POU2AF2: variants seen among roughly 807,000 people sequenced by gnomAD.
POU2AF2 encodes the protein POU class 2 homeobox associating factor 2.
the POU2AF2 span, among the ~76,000 whole-genome samples, chr11:111,272,847 C>A: frequency 6.6e-6 from 1 of 152,148 alleles, no homozygotes; most frequent in African/African-American, 2.4e-5. Context: ...TGAAGAAGAG[C>A]TGTGCTTTCC....
the POU2AF2 span, among the ~76,000 whole-genome samples, chr11:111,255,365 A>G: frequency 2.0e-5 from 3 of 152,234 alleles, no homozygotes; most frequent in Non-Finnish European, 4.4e-5. Flanking sequence ...TAAGTGCTCA[A>G]TAAATATTTG....
chr11:111,286,319 C>T, the POU2AF2 span: 13 of 346,448 alleles, frequency 3.8e-5, no homozygotes, highest in East Asian at 2.7e-4. Flanking sequence ...TAACCCATTA[C>T]GTTCTGAATC....
chr11:111,271,222 C>G, the POU2AF2 span, among the ~76,000 whole-genome samples: 1 of 151,900 alleles, frequency 6.6e-6, no homozygotes, highest in African/African-American at 2.4e-5. Context: ...ACTCGGGAGG[C>G]TAAGGCAGGA....
chr11:111,277,643 A>G, the POU2AF2 span, among the ~76,000 whole-genome samples: 4 of 152,218 alleles, frequency 2.6e-5, no homozygotes, highest in African/African-American at 9.6e-5. Context: ...CGGATTGGGC[A>G]TGTGTGCTGT....
chr11:111,265,876 A>T, the POU2AF2 span, among the ~76,000 whole-genome samples: 101 of 12,482 alleles, frequency 8.1e-3, no homozygotes, highest in African/African-American at 0.037. Flanking sequence ...GGAATAAATT[A>T]AAAAAAAAAA....
chr11:111,252,138 C>A, the POU2AF2 span, among the ~76,000 whole-genome samples: 1 of 152,162 alleles, frequency 6.6e-6, no homozygotes, highest in African/African-American at 2.4e-5. Flanking sequence ...TCCTCAATTC[C>A]CAGGCCCTCC....
At chr11:111,252,128 T>C in the POU2AF2 span, among the ~76,000 whole-genome samples, 1 of 152,206 alleles carries the variant, frequency 6.6e-6, no homozygotes, top group East Asian at 1.9e-4. Context: ...AGCCTGGACC[T>C]CCTCAATTCC....
the POU2AF2 span, among the ~76,000 whole-genome samples, chr11:111,265,539 T>C: frequency 2.0e-5 from 3 of 152,160 alleles, no homozygotes; most frequent in Non-Finnish European, 4.4e-5. Context: ...GGAACGGTGA[T>C]AGCTACCATG....
At chr11:111,270,598 C>A in the POU2AF2 span, among the ~76,000 whole-genome samples, 1 of 152,192 alleles carries the variant, frequency 6.6e-6, no homozygotes, top group Non-Finnish European at 1.5e-5. Context: ...TGGGCCTATA[C>A]CATGCCCCAT....
chr11:111,265,098 G>A, the POU2AF2 span, among the ~76,000 whole-genome samples: 2,359 of 152,078 alleles, frequency 0.016, 62 homozygotes, highest in African/African-American at 0.052. Context: ...CAGAACACAC[G>A]AAAGGGGCAA....
the POU2AF2 span, chr11:111,281,462 G>A: frequency 1.9e-6 from 3 of 1,611,578 alleles, no homozygotes; most frequent in Non-Finnish European, 2.5e-6. Context: ...AATTCAATAA[G>A]CAATTATTCC....
At chr11:111,284,142 A>G in the POU2AF2 span, 1 of 1,614,006 alleles carries the variant, frequency 6.2e-7, no homozygotes. Context: ...GACTTCCACA[A>G]CAGTAAACAG....
chr11:111,285,802 G>A, the POU2AF2 span: 2 of 1,609,166 alleles, frequency 1.2e-6, no homozygotes, highest in Admixed American at 1.7e-5. Context: ...CAAGCTGGGG[G>A]TCATCCCTGG....
chr11:111,251,046 G>A, the POU2AF2 span, among the ~76,000 whole-genome samples: 1 of 152,114 alleles, frequency 6.6e-6, no homozygotes, highest in Non-Finnish European at 1.5e-5. Context: ...AATTGAACTT[G>A]CGTTTTCAAA....
the POU2AF2 span, among the ~76,000 whole-genome samples, chr11:111,254,774 A>T: frequency 6.6e-6 from 1 of 152,330 alleles, no homozygotes; most frequent in East Asian, 1.9e-4. Flanking sequence ...AATTTTGGTT[A>T]TGTGCCTCAT....
the POU2AF2 span, chr11:111,286,049 T>G: frequency 6.2e-7 from 1 of 1,607,468 alleles, no homozygotes; most frequent in Non-Finnish European, 8.5e-7. Flanking sequence ...CCGCAGAGCT[T>G]ATTGAGGGGA....
At chr11:111,265,950 G>A in the POU2AF2 span, among the ~76,000 whole-genome samples, 3 of 151,434 alleles carry the variant, frequency 2.0e-5, no homozygotes, top group African/African-American at 7.3e-5. Context: ...TCTTCCAGTC[G>A]AGATGGCTAG....
At chr11:111,250,253 C>A in the POU2AF2 span, among the ~76,000 whole-genome samples, 1 of 152,062 alleles carries the variant, frequency 6.6e-6, no homozygotes, top group Admixed American at 6.6e-5. Context: ...TCCAGTATTT[C>A]TGGCTAGCCT....
At chr11:111,284,121 T>C in the POU2AF2 span, 1 of 1,614,196 alleles carries the variant, frequency 6.2e-7, no homozygotes, top group Non-Finnish European at 8.5e-7. Context: ...AGATCTTTCT[T>C]ATCTGACTCA....
Sources: gnomAD v4.1 joint callset for allele counts (sites outside exome capture counted in the v4.1 genomes callset) on GRCh38, gnomAD v4.1.1 for gene constraint, MANE v1.5 for transcripts, NCBI Gene and HGNC (gene_info 2026-07-23, HGNC 2026-07-21) for gene names.